The following NUAK1 variants were observed in gnomAD, a reference collection of about 807,000 sequenced individuals.
NUAK1 encodes NUAK family SNF1-like kinase 1.
Under a neutral mutation model 56.9 loss-of-function variants are expected in NUAK1, and 26 were observed. The ratio of observed to expected loss-of-function variants is 0.46; its 90% CI spans 0.33 to 0.63. The LOEUF (loss-of-function observed/expected upper bound fraction) is 0.63, where lower values mean the gene tolerates loss of function less well. Ranked by LOEUF, NUAK1 falls within the 30% of genes least tolerant of loss-of-function variation. The pLI, the probability that NUAK1 is intolerant of heterozygous loss-of-function variation, is 0.02. For missense variants in NUAK1, 727 were observed against 876.1 expected (o/e 0.83, Z 2.15); for synonymous variants, 337 against 336.0 (o/e 1.00, Z -0.03).
chr12:106,138,087 C>A lies in NUAK1; in HGVS notation c.240+327G>T, dbSNP rs1336361881. On this transcript the variant is annotated intron_variant, in intron 1 of 6. Transcript: ENST00000261402. This position sits in a 1 kb window ranked among gnomAD's most constrained non-coding sequence, Gnocchi z 5.0. Reference sequence around the variant, plus strand: ...GGGGCATGGTCTAAATGAGTGCCTGCGAGGGAGAGAGACCCCGGCCGTCCC... The same window carrying A: ...GGGGCATGGTCTAAATGAGTGCCTGAGAGGGAGAGAGACCCCGGCCGTCCC... 6.6e-6 allele frequency among the ~76,000 whole-genome samples: 1 copy of A among 152,138 alleles called. No individual in the cohort carries two copies. Among genetic ancestry groups the A allele is most frequent in the Non-Finnish European group, 1.5e-5 (1 of 68,040 alleles).
rs66965862 is a variant in NUAK1, at chr12:106,137,200, TG to T, written c.240+1213del. On this transcript the variant is annotated intron_variant, in intron 1 of 6. Transcript: ENST00000261402. ...TGAACTTTGCTGACTGGCACCCCCATGTTTTTTTCACAGAACTGTTCCTGCC... is the reference window on the plus strand; with the variant it reads ...TGAACTTTGCTGACTGGCACCCCCATTTTTTTTCACAGAACTGTTCCTGCC... Among the ~76,000 whole-genome samples the T allele has an allele frequency of 3.0e-3, 463 of 152,128 alleles. 1 individual carries two copies. Among genetic ancestry groups the T allele is most frequent in the African/African-American group, 0.011 (447 of 41,448 alleles).
intron 2 of NUAK1, among the ~76,000 whole-genome samples, chr12:106,098,760 C>T (rs564905574): frequency 4.6e-5 from 7 of 152,056 alleles, no homozygotes; most frequent in South Asian, 4.2e-4. Flanking sequence ...TTTTGCAGAT[C>T]GGGTCTCCTA....
Position 106,072,853 on chromosome 12 carries a change from GA to G in NUAK1, c.580-11del. The G allele has an allele frequency of 6.2e-7, 1 of 1,613,830 alleles. No homozygotes were observed. Among genetic ancestry groups the G allele is most frequent in the African/African-American group, 1.3e-5 (1 of 75,048 alleles). ...GCCCAAAGTCAGCAATCTACAAAGAGAAGCAAGACCCAGGGAGACTTGTTAG... is the reference window on the plus strand; with the variant it reads ...GCCCAAAGTCAGCAATCTACAAAGAGAGCAAGACCCAGGGAGACTTGTTAG... On this transcript the variant is annotated splice_polypyrimidine_tract_variant and intron_variant, in intron 4 of 6. Transcript: ENST00000261402.
chr12:106,137,624 T>C (rs924821189), intron 1 of NUAK1, among the ~76,000 whole-genome samples: 1 of 152,152 alleles, frequency 6.6e-6, no homozygotes, highest in Non-Finnish European at 1.5e-5. Flanking sequence ...GCTGTGCAAA[T>C]GGTGCCAGGA....
intron 2 of NUAK1, among the ~76,000 whole-genome samples, chr12:106,097,831 A>T (rs1312704441): frequency 6.6e-6 from 1 of 152,168 alleles, no homozygotes; most frequent in Non-Finnish European, 1.5e-5. Flanking sequence ...CCAATTCAGC[A>T]GGTCTGGGGC....
At chr12:106,121,550 G>T (rs532609303) in intron 1 of NUAK1, among the ~76,000 whole-genome samples, 10 of 152,296 alleles carry the variant, frequency 6.6e-5, no homozygotes, top group African/African-American at 2.4e-4. Context: ...AAGCATTCAA[G>T]ACCACCCTGG....
chr12:106,083,601 G>A (rs1244523817), intron 4 of NUAK1, among the ~76,000 whole-genome samples: 1 of 152,198 alleles, frequency 6.6e-6, no homozygotes, highest in Non-Finnish European at 1.5e-5. Context: ...TGAGCTTCCT[G>A]AGGAGAGACA....
intron 2 of NUAK1, among the ~76,000 whole-genome samples, chr12:106,088,551 C>A (rs1252168596): frequency 1.3e-5 from 2 of 152,198 alleles, no homozygotes; most frequent in Non-Finnish European, 2.9e-5. Context: ...GAATGAGATA[C>A]TCCTAGGGCT....
At chr12:106,121,539 C>T (rs1446198928) in intron 1 of NUAK1, among the ~76,000 whole-genome samples, 3 of 152,154 alleles carry the variant, frequency 2.0e-5, no homozygotes, top group Non-Finnish European at 4.4e-5. Context: ...CACTTGAGGC[C>T]AAGCATTCAA....
At chr12:106,125,964 T>G (rs913999687) in intron 1 of NUAK1, among the ~76,000 whole-genome samples, 2 of 152,186 alleles carry the variant, frequency 1.3e-5, no homozygotes, top group African/African-American at 2.4e-5. Context: ...TCAAATCTAC[T>G]AAGAATCACA....
intron 3 of NUAK1, among the ~76,000 whole-genome samples, chr12:106,086,070 G>A (rs972885954): frequency 6.6e-6 from 1 of 152,062 alleles, no homozygotes; most frequent in African/African-American, 2.4e-5. Context: ...GCATAGAAAG[G>A]TTTCAAGAAC....
At chr12:106,125,311 A>T (rs2033015817) in intron 1 of NUAK1, among the ~76,000 whole-genome samples, 1 of 152,246 alleles carries the variant, frequency 6.6e-6, no homozygotes, top group Non-Finnish European at 1.5e-5. Context: ...AACGACTGGG[A>T]TCATGAAATT....
chr12:106,102,682 T>C (rs1320793281), intron 2 of NUAK1, among the ~76,000 whole-genome samples: 2 of 152,174 alleles, frequency 1.3e-5, no homozygotes, highest in African/African-American at 4.8e-5. Flanking sequence ...CAGATACATG[T>C]ATCATGCCAT....
chr12:106,127,413 C>T (rs2033034279), intron 1 of NUAK1, among the ~76,000 whole-genome samples: 1 of 152,284 alleles, frequency 6.6e-6, no homozygotes, highest in South Asian at 2.1e-4. Context: ...AAGTGATCCC[C>T]CTGCCTCCCA....
rs1341323066 is a variant in NUAK1, at chr12:106,138,086, G to A, written c.240+328C>T. Among the ~76,000 whole-genome samples the A allele has an allele frequency of 6.6e-6, 1 of 152,246 alleles. No individual in the cohort carries two copies. Among genetic ancestry groups the A allele is most frequent in the Non-Finnish European group, 1.5e-5 (1 of 68,044 alleles). ...CGGGGCATGGTCTAAATGAGTGCCT[G>A]CGAGGGAGAGAGACCCCGGCCGTCC... On this transcript the variant is annotated intron_variant, in intron 1 of 6. Transcript: ENST00000261402. This position sits in a 1 kb window ranked among gnomAD's most constrained non-coding sequence, Gnocchi z 5.0.
chr12:106,106,006 GA>G (rs1477871026), intron 2 of NUAK1: 1 of 155,892 alleles, frequency 6.4e-6, no homozygotes, highest in African/African-American at 2.4e-5. Flanking sequence ...ACCTAACTTG[GA>G]GTAACTCCGT....
intron 2 of NUAK1, among the ~76,000 whole-genome samples, chr12:106,090,496 T>C (rs2032624591): frequency 6.6e-6 from 1 of 152,186 alleles, no homozygotes; most frequent in African/African-American, 2.4e-5. Context: ...TTCGGTACTA[T>C]GAGGATCCCC....
chr12:106,091,918 G>A (rs1038881356), intron 2 of NUAK1, among the ~76,000 whole-genome samples: 46 of 152,152 alleles, frequency 3.0e-4, no homozygotes, highest in African/African-American at 8.4e-4. Flanking sequence ...GAACCAAGCC[G>A]GGGATGGTGG....
chr12:106,136,461 A>G (rs1460238564), intron 1 of NUAK1, among the ~76,000 whole-genome samples: 1 of 152,190 alleles, frequency 6.6e-6, no homozygotes, highest in Non-Finnish European at 1.5e-5. Context: ...ACTCCTGCCT[A>G]CTGATGCAAA....
Sources: allele counts gnomAD v4.1 joint callset (sites outside exome capture counted in the v4.1 genomes callset), GRCh38; gene constraint gnomAD v4.1.1; non-coding constraint Gnocchi (gnomAD v3.1); transcripts MANE v1.5; gene names NCBI Gene and HGNC (gene_info 2026-07-23, HGNC 2026-07-21).